Variants in USP12 observed in about 807,000 individuals in gnomAD.
USP12 encodes ubiquitin specific peptidase 12.
In USP12, 19 loss-of-function variants were observed where a neutral mutation model predicts 45.5. The observed-to-expected ratio is 0.42, with a 90% CI of 0.29 to 0.61. USP12 has a LOEUF of 0.61. Among genes scored for constraint, USP12 ranks in the 20% least tolerant of loss-of-function variants. The probability of loss-of-function intolerance (pLI) is 0.22; values close to 1 mark genes in which losing one functional copy is unlikely to be tolerated. For missense variants in USP12, 242 were observed against 447.7 expected, an observed-to-expected ratio of 0.54 and a Z score of 4.15; for synonymous variants, 149 against 148.8, an observed-to-expected ratio of 1.00 and a Z score of -0.01.
chr13:27,138,966 A>G (rs1876932191), intron 1 of USP12, among the ~76,000 whole-genome samples: 1 of 152,194 alleles, frequency 6.6e-6, no homozygotes, highest in Non-Finnish European at 1.5e-5. Context: ...CACAGTTTCA[A>G]CGGTAAGGTG....
chr13:27,096,140 ATTAT>A (rs1025759790), intron 3 of USP12, among the ~76,000 whole-genome samples: 1 of 81,468 alleles, frequency 1.2e-5, no homozygotes, highest in African/African-American at 3.6e-5. Flanking sequence ...TACCTGACTT[ATTAT>A]TTCACAAATA....
chr13:27,110,592 G>C (rs1875388684), intron 2 of USP12, among the ~76,000 whole-genome samples: 1 of 152,192 alleles, frequency 6.6e-6, no homozygotes, highest in Non-Finnish European at 1.5e-5. Flanking sequence ...TAGGAGACAA[G>C]CACTGGTTTC....
At chr13:27,091,459 C>T (rs1479784841) in intron 4 of USP12, among the ~76,000 whole-genome samples, 2 of 152,182 alleles carry the variant, frequency 1.3e-5, no homozygotes, top group Admixed American at 6.5e-5. Context: ...TGAGTTACTA[C>T]GTTTATATTT....
At chr13:27,073,842 A>G (rs1013445620) in intron 7 of USP12, among the ~76,000 whole-genome samples, 1 of 152,220 alleles carries the variant, frequency 6.6e-6, no homozygotes, top group African/African-American at 2.4e-5. Flanking sequence ...GAAGCTATGC[A>G]TAACGTTACA....
At chr13:27,102,814 A>G (rs1273505156) in intron 3 of USP12, among the ~76,000 whole-genome samples, 1 of 152,218 alleles carries the variant, frequency 6.6e-6, no homozygotes. Flanking sequence ...ACCTGAAGGC[A>G]TATTTCTGTA....
At chr13:27,070,433 G>T (rs1452343200) in intron 8 of USP12, among the ~76,000 whole-genome samples, 1 of 152,058 alleles carries the variant, frequency 6.6e-6, no homozygotes, top group African/African-American at 2.4e-5. Context: ...GTGTGACATG[G>T]GGGGACACAT....
chr13:27,123,683 G>A lies in USP12; in HGVS notation c.49-7087C>T, dbSNP rs548250928. On this transcript the variant is annotated intron_variant, in intron 1 of 8. Transcript: ENST00000282344. ...TACAAAGGGCAGTTCCCCTGCACAC[G>A]CTCTCTTGCCTGCCGCCATGTAAGA... Among the ~76,000 whole-genome samples the A allele has an allele frequency of 1.4e-4, 21 of 152,296 alleles. No homozygotes were observed. In the South Asian group the frequency reaches 4.4e-3, roughly 32 times the overall value.
At chr13:27,101,937 C>A (rs1361864748) in intron 3 of USP12, among the ~76,000 whole-genome samples, 1 of 152,160 alleles carries the variant, frequency 6.6e-6, no homozygotes, top group Non-Finnish European at 1.5e-5. Context: ...TCCTTAAGAA[C>A]AAGGACCCTT....
At chr13:27,125,210 T>A (rs548837524) in intron 1 of USP12, among the ~76,000 whole-genome samples, 31 of 152,198 alleles carry the variant, frequency 2.0e-4, no homozygotes, top group Non-Finnish European at 4.1e-4. Context: ...TATTTATCAC[T>A]CTAAGTTGAA....
At chr13:27,113,110 C>A (rs553054015) in intron 2 of USP12, among the ~76,000 whole-genome samples, 2 of 152,184 alleles carry the variant, frequency 1.3e-5, no homozygotes, top group African/African-American at 4.8e-5. Context: ...TGGTGTGCAC[C>A]TGTAGTCCCA....
At chr13:27,121,917 A>G (rs1239790743) in intron 1 of USP12, among the ~76,000 whole-genome samples, 1 of 152,200 alleles carries the variant, frequency 6.6e-6, no homozygotes, top group South Asian at 2.1e-4. Context: ...CAAATGTCTC[A>G]TATGTGTCAA....
intron 3 of USP12, among the ~76,000 whole-genome samples, chr13:27,099,252 G>T (rs763151630): frequency 2.0e-5 from 3 of 152,096 alleles, no homozygotes; most frequent in Non-Finnish European, 2.9e-5. Context: ...AAATGTTATT[G>T]TAAGAATGTA....
At chr13:27,110,127 T>TAAAAAAAAA (rs1555234986) in intron 2 of USP12, among the ~76,000 whole-genome samples, 6 of 119,630 alleles carry the variant, frequency 5.0e-5, no homozygotes, top group African/African-American at 1.9e-4. Context: ...CTTTTCCAGG[T>TAAAAAAAAA]AAAAAAAAAA....
chr13:27,143,148 G>C (rs1877148356), intron 1 of USP12, among the ~76,000 whole-genome samples: 1 of 150,556 alleles, frequency 6.6e-6, no homozygotes, highest in Admixed American at 6.6e-5. Flanking sequence ...TCAGCTTGGA[G>C]GGTTTCCAGT....
At position 27,086,191 on chromosome 13, in the gene USP12, A is replaced by ATATAT. The variant is rs1555233222; in HGVS notation, c.734+3691_734+3692insATATA. Among the ~76,000 whole-genome samples, 589 of 72,326 alleles carry ATATAT rather than the reference A, an allele frequency of 8.1e-3. 2 individuals are homozygous for ATATAT. Among genetic ancestry groups the ATATAT allele is most frequent in the Non-Finnish European group, 0.01 (381 of 36,922 alleles). The allele number at this position is 72,326 out of a possible 152,430, so 47.4% of individuals were successfully genotyped here. Reference sequence around the variant, plus strand: ...TGTCTCTTTAAAAAAAAAAAAAAAAAAAAAAAATATATATATATATATATA... The same window carrying ATATAT: ...TGTCTCTTTAAAAAAAAAAAAAAAAATATATAAAAAAATATATATATATATATATA... On this transcript the variant is annotated intron_variant, in intron 6 of 8. Transcript: ENST00000282344.
intron 6 of USP12, among the ~76,000 whole-genome samples, chr13:27,078,944 A>G (rs1226393960): frequency 6.6e-6 from 1 of 152,100 alleles, no homozygotes. Context: ...ACTGGACAAT[A>G]AAGAAGTCTC....
intron 1 of USP12, among the ~76,000 whole-genome samples, chr13:27,123,698 G>A (rs916881590): frequency 3.3e-5 from 5 of 152,162 alleles, no homozygotes; most frequent in Admixed American, 6.5e-5. Context: ...CTTGCCTGCC[G>A]CCATGTAAGA....
At chr13:27,069,407 T>C (rs373838238) in intron 8 of USP12, 23 bp from the exon 9 acceptor site, 275 of 1,553,490 alleles carry the variant, frequency 1.8e-4, no homozygotes, top group Non-Finnish European at 2.3e-4. Context: ...ATGTAAACAT[T>C]AGTACATAAA....
rs550850977 is a variant in USP12, at chr13:27,113,322, T to A, written c.129+3194A>T. Among the ~76,000 whole-genome samples, 3 of 152,256 alleles carry A rather than the reference T, an allele frequency of 2.0e-5. No individual in the cohort carries two copies. In the East Asian group the frequency reaches 5.8e-4, roughly 29 times the overall value. ...CCAGACAAATAAAAAATAAAAATGT[T>A]GAAAAGGAACCGTTTTTGAAGAAGC... On this transcript the variant is annotated intron_variant, in intron 2 of 8. Coordinates refer to ENST00000282344, the MANE Select transcript of USP12 (RefSeq NM_182488.4).
Sources: gnomAD v4.1 joint callset for allele counts (sites outside exome capture counted in the v4.1 genomes callset) on GRCh38, gnomAD v4.1.1 for gene constraint, MANE v1.5 for transcripts, NCBI Gene and HGNC (gene_info 2026-07-23, HGNC 2026-07-21) for gene names.